Variants in LRP1B observed in about 807,000 individuals in gnomAD.
The protein encoded by LRP1B is LDL receptor related protein 1B.
Under a neutral mutation model 556.6 loss-of-function variants are expected in LRP1B, and 217 were observed. The ratio of observed to expected loss-of-function variants is 0.39; its 90% CI spans 0.35 to 0.44. LRP1B has a LOEUF of 0.44. Among genes scored for constraint, LRP1B ranks in the 20% least tolerant of loss-of-function variants. The pLI is 1.00. For missense variants in LRP1B, 5,053 were observed against 5,620.8 expected, an observed-to-expected ratio of 0.90 and a Z score of 3.23; for synonymous variants, 2,047 against 1,865.8, an observed-to-expected ratio of 1.10 and a Z score of -2.50.
intron 1 of LRP1B, among the ~76,000 whole-genome samples, chr2:142,021,068 T>G (rs543773699): frequency 6.6e-6 from 1 of 152,196 alleles, no homozygotes; most frequent in Non-Finnish European, 1.5e-5. Flanking sequence ...TAGCCTCATA[T>G]TAAGTAAAAC....
chr2:142,041,480 C>T (rs920809208), intron 1 of LRP1B, among the ~76,000 whole-genome samples: 2 of 151,398 alleles, frequency 1.3e-5, no homozygotes, highest in Non-Finnish European at 3.0e-5. Flanking sequence ...TGAGGCAATG[C>T]TTTTTGAAAA....
rs1225376605 is a variant in LRP1B, at chr2:141,278,713, G to A, written c.344-24072C>T. ...CTTTGTTGAAGCTTAAAATAATGTA[G>A]GCTTCACAATTCCATACATTCAAGT... On this transcript the variant is annotated intron_variant, in intron 3 of 90. Coordinates refer to ENST00000389484, the MANE Select transcript of LRP1B (RefSeq NM_018557.3). Among the ~76,000 whole-genome samples the A allele has an allele frequency of 2.0e-5, 3 of 152,132 alleles. No individual in the cohort carries two copies. In the East Asian group the frequency reaches 5.8e-4, roughly 29 times the overall value.
intron 66 of LRP1B, among the ~76,000 whole-genome samples, chr2:140,433,411 C>A (rs1341818443): frequency 6.6e-6 from 1 of 151,980 alleles, no homozygotes; most frequent in African/African-American, 2.4e-5. Flanking sequence ...GTTATACTTG[C>A]AATAGTTTAA....
chr2:141,399,372 A>G (rs567334779), intron 3 of LRP1B, among the ~76,000 whole-genome samples: 15 of 152,184 alleles, frequency 9.9e-5, no homozygotes, highest in Non-Finnish European at 1.6e-4. Context: ...CTAGACTTGT[A>G]TACTTGTAGA....
At chr2:140,983,192 C>T (rs1396730706) in intron 17 of LRP1B, among the ~76,000 whole-genome samples, 1 of 151,898 alleles carries the variant, frequency 6.6e-6, no homozygotes, top group African/African-American at 2.4e-5. Flanking sequence ...TTTCTTCTGT[C>T]CCTCTGAACT....
At chr2:140,801,272 C>T (rs143167420) in intron 32 of LRP1B, among the ~76,000 whole-genome samples, 4 of 152,208 alleles carry the variant, frequency 2.6e-5, no homozygotes, top group East Asian at 1.9e-4. Flanking sequence ...AGAGAAAGAT[C>T]GCCAATCACA....
intron 3 of LRP1B, among the ~76,000 whole-genome samples, chr2:141,457,900 G>T (rs999550398): frequency 6.6e-6 from 1 of 152,296 alleles, no homozygotes; most frequent in Non-Finnish European, 1.5e-5. Context: ...AGCAGAATTT[G>T]CAGGTGGCAA....
chr2:140,354,228 TAAG>T (rs2105125061), intron 75 of LRP1B, among the ~76,000 whole-genome samples: 2 of 152,214 alleles, frequency 1.3e-5, no homozygotes, highest in South Asian at 2.1e-4. Context: ...TTAGAGAACT[TAAG>T]AATCAGCACA....
At chr2:140,624,503 G>T (rs1431515596) in intron 41 of LRP1B, among the ~76,000 whole-genome samples, 1 of 152,052 alleles carries the variant, frequency 6.6e-6, no homozygotes, top group Non-Finnish European at 1.5e-5. Context: ...CCCCACCCCA[G>T]GTTAATATCC....
intron 2 of LRP1B, among the ~76,000 whole-genome samples, chr2:141,680,770 A>G (rs1691071728): frequency 6.6e-6 from 1 of 152,180 alleles, no homozygotes; most frequent in Non-Finnish European, 1.5e-5. Context: ...AGACATTTGA[A>G]TCTATGGTGT....
At chr2:140,997,873 C>T (rs534490632) in intron 15 of LRP1B, among the ~76,000 whole-genome samples, 1 of 151,986 alleles carries the variant, frequency 6.6e-6, no homozygotes, top group East Asian at 2.0e-4. Context: ...TGATTTTTCT[C>T]CTTTAGATCA....
chr2:142,015,710 G>A (rs888326779), intron 1 of LRP1B, among the ~76,000 whole-genome samples: 3 of 152,010 alleles, frequency 2.0e-5, no homozygotes, highest in Admixed American at 6.6e-5. Context: ...AGTGGGTGAA[G>A]GGGCCAGGCA....
chr2:142,032,462 G>A (rs895403624), intron 1 of LRP1B, among the ~76,000 whole-genome samples: 2 of 151,742 alleles, frequency 1.3e-5, no homozygotes, highest in Admixed American at 6.6e-5. Flanking sequence ...AGAGAGTGAC[G>A]AATACTTGCT....
chr2:141,256,071 A>G (rs1423946486), intron 3 of LRP1B, among the ~76,000 whole-genome samples: 2 of 152,054 alleles, frequency 1.3e-5, no homozygotes, highest in African/African-American at 4.8e-5. Flanking sequence ...ACAATATAAA[A>G]CAATGTTTAT....
In LRP1B at chr2:140,922,955, G is replaced by A. The variant is rs1438153010; in HGVS notation, c.3319+10C>T. On this transcript the variant is annotated intron_variant, in intron 21 of 90. Transcript: ENST00000389484. ...AGACCCAATAGAAGCCAAAAGCAAT[G>A]TTCACTTACCTGTACTCCAACAGGA... 6.2e-7 allele frequency: 1 copy of A among 1,608,254 alleles called. No individual in the cohort carries two copies. The highest frequency in any genetic ancestry group is 1.7e-5 in the Admixed American group (1 of 59,474).
intron 86 of LRP1B, among the ~76,000 whole-genome samples, chr2:140,266,284 G>C (rs559144266): frequency 6.6e-6 from 1 of 152,010 alleles, no homozygotes; most frequent in South Asian, 2.1e-4. Flanking sequence ...ACCTAACTGA[G>C]AAATCCAATA....
At chr2:140,874,987 T>C (rs182685566) in intron 25 of LRP1B, among the ~76,000 whole-genome samples, 101 of 149,894 alleles carry the variant, frequency 6.7e-4, no homozygotes, top group Middle Eastern at 3.4e-3. Flanking sequence ...CATTGCCCTA[T>C]ACCCTGTGCA....
chr2:141,999,999 A>C (rs909133475), intron 1 of LRP1B, among the ~76,000 whole-genome samples: 14 of 148,056 alleles, frequency 9.5e-5, no homozygotes, highest in African/African-American at 3.4e-4. Flanking sequence ...ACATATAGAA[A>C]TATATATACA....
chr2:141,994,454 C>T (rs1702431794), intron 1 of LRP1B, among the ~76,000 whole-genome samples: 1 of 152,002 alleles, frequency 6.6e-6, no homozygotes, highest in African/African-American at 2.4e-5. Context: ...GTGAATCACA[C>T]AAAATATTTT....
Sources: gnomAD v4.1 joint callset for allele counts (sites outside exome capture counted in the v4.1 genomes callset) on GRCh38, gnomAD v4.1.1 for gene constraint, MANE v1.5 for transcripts, NCBI Gene and HGNC (gene_info 2026-07-23, HGNC 2026-07-21) for gene names.